The following PDE7B variants were observed in gnomAD, a reference collection of about 807,000 sequenced individuals.
The protein encoded by PDE7B is 3',5'-cyclic-AMP phosphodiesterase 7B.
PDE7B carries 29 observed loss-of-function variants against 56.2 expected under a neutral mutation model. That is an observed-to-expected ratio of 0.52 (90% CI 0.38 to 0.70). The LOEUF is 0.70. PDE7B is among the 30% of genes least tolerant of loss of function. The pLI, the probability that PDE7B is intolerant of heterozygous loss-of-function variation, is 0.00. For missense variants in PDE7B, 490 were observed against 565.0 expected (o/e 0.87, Z 1.35); for synonymous variants, 197 against 196.9 (o/e 1.00, Z 0.00).
At chr6:136,114,720 C>T (rs188799399) in intron 3 of PDE7B, 1 of 152,366 alleles carries the variant, frequency 6.6e-6, no homozygotes, top group East Asian at 1.9e-4. Context: ...CTGTGTTCCC[C>T]AAGCGGAGAA....
chr6:136,084,330 A>C (rs530892586), intron 2 of PDE7B, among the ~76,000 whole-genome samples: 1 of 152,228 alleles, frequency 6.6e-6, no homozygotes, highest in Non-Finnish European at 1.5e-5. Flanking sequence ...ATTACTAGTT[A>C]ATGCAAACTG....
intron 1 of PDE7B, among the ~76,000 whole-genome samples, chr6:135,885,792 T>G (rs1438802579): frequency 6.6e-6 from 1 of 152,178 alleles, no homozygotes; most frequent in Non-Finnish European, 1.5e-5. Context: ...ACCTTGCACA[T>G]TGTGATAGCA....
chr6:136,099,927 A>C (rs1442545662), intron 2 of PDE7B, among the ~76,000 whole-genome samples: 2 of 152,144 alleles, frequency 1.3e-5, no homozygotes, highest in African/African-American at 4.8e-5. Context: ...TAAGTCTTTA[A>C]TCCATTTTGA....
At chr6:135,907,351 C>T (rs1776133947) in intron 1 of PDE7B, among the ~76,000 whole-genome samples, 1 of 152,098 alleles carries the variant, frequency 6.6e-6, no homozygotes, top group Admixed American at 6.5e-5. Context: ...TAAAATTGTG[C>T]CTTTCTACTT....
intron 1 of PDE7B, among the ~76,000 whole-genome samples, chr6:135,873,664 G>A (rs1775433740): frequency 6.6e-6 from 1 of 152,018 alleles, no homozygotes; most frequent in South Asian, 2.1e-4. Context: ...TAAACATGTT[G>A]TAAGTAGATA....
chr6:135,887,555 TAA>T (rs1376682560), intron 1 of PDE7B, among the ~76,000 whole-genome samples: 1 of 152,164 alleles, frequency 6.6e-6, no homozygotes, highest in Non-Finnish European at 1.5e-5. Flanking sequence ...AATATACACT[TAA>T]GTTTGATATT....
intron 11 of PDE7B, among the ~76,000 whole-genome samples, chr6:136,183,494 G>C (rs1228113222): frequency 6.7e-6 from 1 of 150,296 alleles, no homozygotes; most frequent in South Asian, 2.1e-4. Flanking sequence ...TACTTGGGAG[G>C]CTGAGGCAGG....
chr6:136,052,618 C>CT (rs1554276445), intron 2 of PDE7B, among the ~76,000 whole-genome samples: 1 of 38,046 alleles, frequency 2.6e-5, no homozygotes, highest in South Asian at 8.5e-4. Context: ...TAGGGTACAG[C>CT]CCCCCCCCAC....
rs756515835 is a variant in PDE7B, at chr6:136,194,018, A to T, written c.*2178A>T. ...ACTGTGAACTGATATATTTTCCTTT[A>T]TCACTTTAGTATTCTGCAGTTCTCA... On this transcript the variant is annotated 3_prime_UTR_variant, in exon 13 of 13. Coordinates refer to ENST00000308191, the MANE Select transcript of PDE7B (RefSeq NM_018945.4). 1 of 152,118 alleles carries T rather than the reference A, an allele frequency of 6.6e-6. No homozygotes were observed. Among genetic ancestry groups the T allele is most frequent in the Non-Finnish European group, 1.5e-5 (1 of 68,006 alleles). The allele number at this position is 152,118 out of a possible 1,614,324, so 9.4% of individuals were successfully genotyped here.
chr6:136,038,143 G>A (rs768809495), intron 2 of PDE7B: 35 of 1,226,100 alleles, frequency 2.9e-5, no homozygotes, highest in African/African-American at 6.0e-5. Flanking sequence ...AGGATCTTAC[G>A]GGGGTTCGCT....
chr6:136,072,862 A>G (rs1157314047), intron 2 of PDE7B: 3 of 152,212 alleles, frequency 2.0e-5, no homozygotes, highest in Admixed American at 2.0e-4. Flanking sequence ...GACAACAGTC[A>G]CATGGGTCAG....
chr6:136,058,360 C>T (rs1054547422), intron 2 of PDE7B, among the ~76,000 whole-genome samples: 1 of 152,168 alleles, frequency 6.6e-6, no homozygotes. Context: ...AACATCTGCT[C>T]ACCCACAAAT....
At chr6:135,919,046 T>C (rs560730532) in intron 1 of PDE7B, among the ~76,000 whole-genome samples, 1 of 152,328 alleles carries the variant, frequency 6.6e-6, no homozygotes, top group Admixed American at 6.5e-5. Flanking sequence ...TATCAAAATA[T>C]TATTATATCA....
chr6:136,179,425 G>A (rs368761219), intron 10 of PDE7B, among the ~76,000 whole-genome samples: 3 of 152,174 alleles, frequency 2.0e-5, no homozygotes, highest in East Asian at 1.9e-4. Context: ...AGTTATCTCC[G>A]ATGGTATGAG....
At chr6:136,025,643 G>A (rs1776138751) in intron 2 of PDE7B, among the ~76,000 whole-genome samples, 1 of 152,134 alleles carries the variant, frequency 6.6e-6, no homozygotes, top group African/African-American at 2.4e-5. Context: ...AGGGTGATAT[G>A]GAATTTTTAG....
chr6:136,171,858 A>G (rs938240099), intron 8 of PDE7B, among the ~76,000 whole-genome samples: 1 of 142,132 alleles, frequency 7.0e-6, no homozygotes, highest in Non-Finnish European at 1.5e-5. Context: ...TCATTGTTCA[A>G]TTCCCACCTA....
chr6:136,112,602 A>G (rs1263286852), intron 3 of PDE7B: 4 of 152,056 alleles, frequency 2.6e-5, no homozygotes, highest in African/African-American at 9.7e-5. Context: ...CAGTGTGTTT[A>G]TCTTTGTTAA....
chr6:136,089,766 A>G (rs936450743), intron 2 of PDE7B, among the ~76,000 whole-genome samples: 1 of 152,234 alleles, frequency 6.6e-6, no homozygotes, highest in African/African-American at 2.4e-5. Flanking sequence ...AAAATTTCAA[A>G]TTTATGCCAG....
At chr6:136,159,464 C>A (rs1778667734) in intron 8 of PDE7B, among the ~76,000 whole-genome samples, 1 of 152,196 alleles carries the variant, frequency 6.6e-6, no homozygotes, top group Non-Finnish European at 1.5e-5. Flanking sequence ...TAGGCAGATG[C>A]AGAACAAACA....
Sources: gnomAD v4.1 joint callset for allele counts (sites outside exome capture counted in the v4.1 genomes callset) on GRCh38, gnomAD v4.1.1 for gene constraint, MANE v1.5 for transcripts, NCBI Gene and HGNC (gene_info 2026-07-23, HGNC 2026-07-21) for gene names.